GDAP1L1: variants seen among roughly 807,000 people sequenced by gnomAD.
The protein encoded by GDAP1L1 is ganglioside-induced differentiation-associated protein 1-like 1.
GDAP1L1 carries 21 observed loss-of-function variants against 37.1 expected under a neutral mutation model. The ratio of observed to expected loss-of-function variants is 0.57; its 90% CI spans 0.40 to 0.81. The LOEUF (loss-of-function observed/expected upper bound fraction) is 0.81. Among genes scored for constraint, GDAP1L1 ranks in the 40% least tolerant of loss-of-function variants. The pLI, the probability that GDAP1L1 is intolerant of heterozygous loss-of-function variation, is 0.00. For missense variants in GDAP1L1, 362 were observed against 491.6 expected, an observed-to-expected ratio of 0.74 and a Z score of 2.49; for synonymous variants, 193 against 209.1, an observed-to-expected ratio of 0.92 and a Z score of 0.67.
intron 1 of GDAP1L1, among the ~76,000 whole-genome samples, chr20:44,256,215 A>T (rs924687400): frequency 1.3e-5 from 2 of 152,172 alleles, no homozygotes; most frequent in African/African-American, 4.8e-5. Context: ...ATGGGGAGAT[A>T]CTGTTCTACC....
rs564046572 is a variant in GDAP1L1 at position 44,278,337 on chromosome 20, G to A, written c.761-620G>A. 9.2e-5 allele frequency among the ~76,000 whole-genome samples: 14 copies of A among 152,148 alleles called. 1 individual carries two copies. The highest frequency in any genetic ancestry group is 3.4e-4 in the African/African-American group (14 of 41,510). On this transcript the variant is annotated intron_variant, in intron 5 of 5. Transcript: ENST00000342560. ...GACACCAAGTGGAACTGTCAAAGGA[G>A]TAGTTGTATATGTGTCTGGAGTTTC...
chr20:44,252,260 C>G (rs1356913653), intron 1 of GDAP1L1, among the ~76,000 whole-genome samples: 1 of 152,212 alleles, frequency 6.6e-6, no homozygotes, highest in Non-Finnish European at 1.5e-5. Flanking sequence ...ACCTGTAATC[C>G]CAGCACTGTG....
intron 5 of GDAP1L1, among the ~76,000 whole-genome samples, chr20:44,274,742 T>C (rs1476650627): frequency 6.6e-6 from 1 of 152,142 alleles, no homozygotes; most frequent in East Asian, 1.9e-4. Context: ...CTTGCCCTAT[T>C]TCCAAGTCTG....
At position 44,279,363 on chromosome 20, in the gene GDAP1L1, C is replaced by T; in HGVS notation, c.*63C>T. 2.0e-6 allele frequency: 2 copies of T among 1,019,404 alleles called. No homozygotes were observed. Among genetic ancestry groups the T allele is most frequent in the Non-Finnish European group, 1.5e-6 (1 of 657,112 alleles). 63.1% of individuals were successfully genotyped at this position (1,019,404 alleles called of 1,614,324 possible). A position where few individuals can be genotyped will look rare whatever the true frequency, so the allele number is the denominator to read the frequency against. On this transcript the variant is annotated 3_prime_UTR_variant, in exon 6 of 6. Coordinates refer to ENST00000342560, the MANE Select transcript of GDAP1L1 (RefSeq NM_024034.6). ...TCTGTGCTGTGTGATTCCCCGTGAG[C>T]TCTCAGTAACTCACTGTCTCATGAA...
intron 1 of GDAP1L1, among the ~76,000 whole-genome samples, chr20:44,250,507 C>A (rs1477111670): frequency 6.6e-6 from 1 of 152,168 alleles, no homozygotes; most frequent in Non-Finnish European, 1.5e-5. Context: ...GCCAGACATG[C>A]GGTCAAACCC....
At chr20:44,276,411 A>G (rs1568659446) in intron 5 of GDAP1L1, among the ~76,000 whole-genome samples, 25 of 121,194 alleles carry the variant, frequency 2.1e-4, no homozygotes, top group African/African-American at 7.8e-4. Context: ...AAGAAAAAAG[A>G]AAAAGAAAGA....
In GDAP1L1 at chr20:44,247,437, G is replaced by C; in HGVS notation, c.103G>C (p.Glu35Gln). Residue 35 changes from glutamate to glutamine, a missense_variant, in exon 1 of 6, where the codon GAG becomes CAG. Coordinates refer to ENST00000342560, the MANE Select transcript of GDAP1L1 (RefSeq NM_024034.6). ...AKPAEAPDAPEAASPAHWPRE... is the reference protein window; with the variant it reads ...AKPAEAPDAPQAASPAHWPRE... ...GCCAGCGGAGGCCCCCGACGCTCCCGAGGCGGCCAGCCCCGCCCATTGGCC... is the reference window on the plus strand; with the variant it reads ...GCCAGCGGAGGCCCCCGACGCTCCCCAGGCGGCCAGCCCCGCCCATTGGCC... 1 of 1,608,002 alleles carries C rather than the reference G, an allele frequency of 6.2e-7. No homozygotes were observed. The highest frequency in any genetic ancestry group is 8.5e-7 in the Non-Finnish European group (1 of 1,177,924).
Position 44,264,498 on chromosome 20 carries a change from A to C in GDAP1L1, c.699A>C (p.Glu233Asp). 6.4e-7 allele frequency: 1 copy of C among 1,561,024 alleles called. No homozygotes were observed. The highest frequency in any genetic ancestry group is 8.7e-7 in the Non-Finnish European group (1 of 1,153,252). The change falls in exon 5 of 6, where the codon GAA becomes GAC. Residue 233 changes from glutamate to aspartate, a missense_variant. Glu to Asp is a conservative substitution (Grantham distance 45). Coordinates refer to ENST00000342560, the MANE Select transcript of GDAP1L1 (RefSeq NM_024034.6). Reference protein sequence around the residue: ...DVSYLKKILGELAMVLDQIEA... With the variant: ...DVSYLKKILGDLAMVLDQIEA... ...GCTACCTGAAGAAGATCCTCGGGGA[A>C]CTGGCCATGGTGCTGGACCAGATTG...
At chr20:44,272,421 G>A (rs919701713) in intron 5 of GDAP1L1, among the ~76,000 whole-genome samples, 9 of 152,196 alleles carry the variant, frequency 5.9e-5, no homozygotes, top group African/African-American at 2.2e-4. Flanking sequence ...TGTGAGAAGG[G>A]TGAGAAGAGA....
chr20:44,279,630 C>T lies in GDAP1L1; in HGVS notation c.*330C>T, dbSNP rs1444555310. 1 of 493,100 alleles carries T rather than the reference C, an allele frequency of 2.0e-6. No homozygotes were observed. The highest frequency in any genetic ancestry group is 1.5e-5 in the South Asian group (1 of 64,778). The allele number at this position is 493,100 out of a possible 1,614,324, so 30.5% of individuals were successfully genotyped here. A position where few individuals can be genotyped will look rare whatever the true frequency, so the allele number is the denominator to read the frequency against. ...ACTGGTTAGGATCTGAGGTGAGTCCCAGGATGTTTCGTCCACCAGGGCCCA... is the reference window on the plus strand; with the variant it reads ...ACTGGTTAGGATCTGAGGTGAGTCCTAGGATGTTTCGTCCACCAGGGCCCA... On this transcript the variant is annotated 3_prime_UTR_variant, in exon 6 of 6. Coordinates refer to ENST00000342560, the MANE Select transcript of GDAP1L1 (RefSeq NM_024034.6).
chr20:44,276,420 G>GAAAGAAAGAA (rs2062577874), intron 5 of GDAP1L1, among the ~76,000 whole-genome samples: 1 of 129,790 alleles, frequency 7.7e-6, no homozygotes, highest in African/African-American at 2.9e-5. Context: ...GAAAAAGAAA[G>GAAAGAAAGAA]AAAGAAAGAA....
At chr20:44,258,986 A>G (rs770920533) in intron 3 of GDAP1L1, among the ~76,000 whole-genome samples, 9 of 146,374 alleles carry the variant, frequency 6.1e-5, no homozygotes, top group Non-Finnish European at 1.3e-4. Context: ...TACACAGACT[A>G]TGGGGCTGTC....
intron 5 of GDAP1L1, among the ~76,000 whole-genome samples, chr20:44,271,293 C>A (rs2062513076): frequency 6.6e-6 from 1 of 152,154 alleles, no homozygotes. Context: ...TGCAGAGGTT[C>A]TCCCACACTA....
intron 1 of GDAP1L1, among the ~76,000 whole-genome samples, chr20:44,247,796 G>T (rs550447501): frequency 6.6e-5 from 10 of 151,892 alleles, no homozygotes; most frequent in Non-Finnish European, 1.2e-4. Flanking sequence ...GGGCGGGTTG[G>T]GGGGGCTGAG....
At chr20:44,261,697 A>C (rs1434592415) in intron 3 of GDAP1L1, among the ~76,000 whole-genome samples, 1 of 152,138 alleles carries the variant, frequency 6.6e-6, no homozygotes, top group African/African-American at 2.4e-5. Context: ...TTTCATATAG[A>C]CAGCAAGGTT....
At chr20:44,261,941 G>T (rs138392529) in intron 3 of GDAP1L1, among the ~76,000 whole-genome samples, 1 of 152,120 alleles carries the variant, frequency 6.6e-6, no homozygotes. Context: ...GGTGTGGAGT[G>T]GTCTGGCACA....
intron 5 of GDAP1L1, among the ~76,000 whole-genome samples, chr20:44,270,193 C>T (rs535764710): frequency 5.5e-5 from 6 of 108,686 alleles, no homozygotes; most frequent in Admixed American, 1.2e-4. Flanking sequence ...TTTTTTGAGA[C>T]GGAGTCTCGC....
At chr20:44,250,240 C>G (rs2145983515) in intron 1 of GDAP1L1, among the ~76,000 whole-genome samples, 1 of 152,330 alleles carries the variant, frequency 6.6e-6, no homozygotes, top group African/African-American at 2.4e-5. Context: ...GGCCCAGGCT[C>G]TATGACCAGA....
At chr20:44,276,460 G>GAAAGAAAGAAAGAAAGAAAGAGAGAA (rs371944330) in intron 5 of GDAP1L1, among the ~76,000 whole-genome samples, 1 of 150,608 alleles carries the variant, frequency 6.6e-6, no homozygotes, top group African/African-American at 2.5e-5. Flanking sequence ...AAGAAAGAAA[G>GAAAGAAAGAAAGAAAGAAAGAGAGAA]AAAGAAAAAG....
Sources: gnomAD v4.1 joint callset for allele counts (sites outside exome capture counted in the v4.1 genomes callset) on GRCh38, gnomAD v4.1.1 for gene constraint, MANE v1.5 for transcripts, NCBI Gene and HGNC (gene_info 2026-07-23, HGNC 2026-07-21) for gene names.